The following UBAC2 variants were observed in gnomAD, a reference collection of about 807,000 sequenced individuals.
UBAC2 encodes UBA domain containing 2, also known as ubiquitin-associated domain-containing protein 2.
UBAC2 carries 26 observed loss-of-function variants against 44.0 expected under a neutral mutation model. The observed-to-expected ratio is 0.59, with a 90% confidence interval of 0.43 to 0.82. The LOEUF is 0.82. Among genes scored for constraint, UBAC2 ranks in the 40% least tolerant of loss-of-function variants. UBAC2 has a pLI of 0.00. For synonymous variants in UBAC2, 155 were observed against 154.3 expected, an observed-to-expected ratio of 1.00 and a Z score of -0.04; for missense variants, 329 against 419.4, an observed-to-expected ratio of 0.78 and a Z score of 1.88.
chr13:99,380,137 G>T (rs1484478235), intron 8 of UBAC2, among the ~76,000 whole-genome samples: 2 of 152,202 alleles, frequency 1.3e-5, no homozygotes, highest in African/African-American at 4.8e-5. Context: ...ATGAGGTCAG[G>T]TGTGGAACTT....
intron 8 of UBAC2, among the ~76,000 whole-genome samples, chr13:99,382,803 GC>G (rs910231969): frequency 2.0e-5 from 3 of 152,106 alleles, no homozygotes; most frequent in Non-Finnish European, 4.4e-5. Flanking sequence ...AAAGGCAGGG[GC>G]CCCAAGACCC....
chr13:99,347,669 C>T (rs542857607), intron 7 of UBAC2, among the ~76,000 whole-genome samples: 1 of 151,806 alleles, frequency 6.6e-6, no homozygotes, highest in South Asian at 2.1e-4. Context: ...ATAGATCTCA[C>T]TTCAACTGAG....
At chr13:99,344,679 A>G (rs899669132) in intron 7 of UBAC2, among the ~76,000 whole-genome samples, 4 of 152,076 alleles carry the variant, frequency 2.6e-5, no homozygotes, top group Non-Finnish European at 5.9e-5. Context: ...GTCTTGATTC[A>G]GTGTTGTATT....
chr13:99,290,819 C>A, intron 4 of UBAC2, among the ~76,000 whole-genome samples: 1 of 151,730 alleles, frequency 6.6e-6, no homozygotes, highest in East Asian at 1.9e-4. Context: ...GATTTGTTCA[C>A]CACCTGAATC....
rs114890611 is a variant in UBAC2, at chr13:99,382,602, G to C, written c.928-2626G>C. Among the ~76,000 whole-genome samples, 1,253 of 152,322 alleles carry C rather than the reference G, an allele frequency of 8.2e-3. 14 individuals carry two copies. Among genetic ancestry groups the C allele is most frequent in the African/African-American group, 0.029 (1,207 of 41,560 alleles). ...TGAGACGGTGTGCACAAATGGGAGG[G>C]GATGGGCTGAAAGGAACTGGATCCT... On this transcript the variant is annotated intron_variant, in intron 8 of 8. Transcript: ENST00000403766.
chr13:99,314,231 C>A lies in UBAC2; in HGVS notation c.513+11C>A. Reference sequence around the variant, plus strand: ...ATATTGGGACTGCAGGTACAGTATGCATTTTTATGTTCACTTTTCTTTAAC... The same window carrying A: ...ATATTGGGACTGCAGGTACAGTATGAATTTTTATGTTCACTTTTCTTTAAC... On this transcript the variant is annotated intron_variant, in intron 5 of 8. Transcript: ENST00000403766. 1 of 1,517,430 alleles carries A rather than the reference C, an allele frequency of 6.6e-7. No homozygotes were observed. 94.0% of individuals were successfully genotyped at this position (1,517,430 alleles called of 1,614,324 possible).
At chr13:99,215,294 T>C (rs1012202047) in intron 1 of UBAC2, 8 of 746,710 alleles carry the variant, frequency 1.1e-5, no homozygotes, top group Non-Finnish European at 1.5e-5. Flanking sequence ...CACAGAAATA[T>C]AGTCCACTGG....
At position 99,341,649 on chromosome 13, in the gene UBAC2, C is replaced by T. The variant is rs113037568; in HGVS notation, c.807+1084C>T. Among the ~76,000 whole-genome samples the T allele has an allele frequency of 8.2e-3, 1,245 of 151,988 alleles. 11 individuals carry two copies. Among genetic ancestry groups the T allele is most frequent in the South Asian group, 0.056 (271 of 4,808 alleles). Reference sequence around the variant, plus strand: ...CTCTGTAGGGATGAGAGCTGAGAGCCGAAAGCAAAGAAGTAGTAAGTTCTG... The same window carrying T: ...CTCTGTAGGGATGAGAGCTGAGAGCTGAAAGCAAAGAAGTAGTAAGTTCTG... On this transcript the variant is annotated intron_variant, in intron 7 of 8. Transcript: ENST00000403766.
chr13:99,223,716 C>T (rs1023689399), intron 1 of UBAC2, among the ~76,000 whole-genome samples: 3 of 151,840 alleles, frequency 2.0e-5, no homozygotes, highest in Admixed American at 2.0e-4. Flanking sequence ...TTTAAATATA[C>T]TCTAATTTCC....
At chr13:99,284,847 G>A (rs1196707695) in intron 4 of UBAC2, among the ~76,000 whole-genome samples, 1 of 152,164 alleles carries the variant, frequency 6.6e-6, no homozygotes, top group Non-Finnish European at 1.5e-5. Flanking sequence ...TAAAGTTTGT[G>A]AAGGTGAAGC....
chr13:99,337,279 T>TA (rs2044803043), intron 6 of UBAC2, among the ~76,000 whole-genome samples: 1 of 152,200 alleles, frequency 6.6e-6, no homozygotes, highest in Non-Finnish European at 1.5e-5. Flanking sequence ...TGCATCTTCC[T>TA]ATTCATGGAA....
rs750266033 is a variant in UBAC2, at chr13:99,295,165, G to T, written c.390-18932G>T. ...TCACAGCACTAGAAATCGATACACT[G>T]ACTTGCCGTTTCAGCATCCTCATAA... On this transcript the variant is annotated intron_variant, in intron 4 of 8. Transcript: ENST00000403766. The surrounding 1 kb of genome is among the most constrained non-coding windows in gnomAD (Gnocchi z 4.1). The T allele has an allele frequency of 1.2e-6, 2 of 1,614,004 alleles. No individual in the cohort carries two copies. The highest frequency in any genetic ancestry group is 1.1e-5 in the South Asian group (1 of 91,074).
At chr13:99,317,935 G>T in intron 5 of UBAC2, 87 bp from the exon 6 acceptor site, 1 of 1,027,696 alleles carries the variant, frequency 9.7e-7, no homozygotes, top group South Asian at 1.4e-5. Context: ...TTATATAAAT[G>T]GTCATGACTA....
At chr13:99,344,585 AT>A (rs568223593) in intron 7 of UBAC2, among the ~76,000 whole-genome samples, 1 of 151,878 alleles carries the variant, frequency 6.6e-6, no homozygotes, top group African/African-American at 2.4e-5. Context: ...TCAGAAAGTC[AT>A]TTTTTTTCAG....
intron 8 of UBAC2, chr13:99,376,979 TGCCTC>T (rs151322129): frequency 4.2e-4 from 64 of 152,458 alleles, no homozygotes; most frequent in Middle Eastern, 3.4e-3. Context: ...TGCAGCGCCG[TGCCTC>T]GCCTCGCCTC....
At chr13:99,274,792 A>G (rs2043861871) in intron 4 of UBAC2, among the ~76,000 whole-genome samples, 2 of 149,304 alleles carry the variant, frequency 1.3e-5, no homozygotes, top group Admixed American at 6.7e-5. Context: ...GTCATGGTTC[A>G]CTGCAGCCTC....
At chr13:99,319,565 C>T (rs1358379760) in intron 6 of UBAC2, among the ~76,000 whole-genome samples, 5 of 152,220 alleles carry the variant, frequency 3.3e-5, no homozygotes, top group Non-Finnish European at 7.4e-5. Context: ...TTCCCCACAG[C>T]TGATATGCTT....
chr13:99,280,680 C>G (rs1228550389), intron 4 of UBAC2, among the ~76,000 whole-genome samples: 1 of 152,186 alleles, frequency 6.6e-6, no homozygotes, highest in Non-Finnish European at 1.5e-5. Flanking sequence ...GAAGAGTGTT[C>G]TTTAATACCA....
intron 4 of UBAC2, among the ~76,000 whole-genome samples, chr13:99,307,565 A>G (rs2044354486): frequency 6.6e-6 from 1 of 151,436 alleles, no homozygotes. Flanking sequence ...GGGAAGTGAA[A>G]TTTTTTATAG....
Sources: allele counts gnomAD v4.1 joint callset (sites outside exome capture counted in the v4.1 genomes callset), GRCh38; gene constraint gnomAD v4.1.1; non-coding constraint Gnocchi (gnomAD v3.1); transcripts MANE v1.5; gene names NCBI Gene and HGNC (gene_info 2026-07-23, HGNC 2026-07-21).